CTDSP2: variants seen among roughly 807,000 people sequenced by gnomAD.
CTDSP2 encodes the protein CTD small phosphatase 2.
CTDSP2 carries 9 observed loss-of-function variants against 31.6 expected under a neutral mutation model. That is an observed-to-expected ratio of 0.28 (90% CI 0.17 to 0.50). The LOEUF (loss-of-function observed/expected upper bound fraction) is 0.50. Among genes scored for constraint, CTDSP2 ranks in the 20% least tolerant of loss-of-function variants. CTDSP2 has a pLI of 0.98. For synonymous variants in CTDSP2, 134 were observed against 134.5 expected (o/e 1.00, Z 0.03); for missense variants, 267 against 348.5 (o/e 0.77, Z 1.86).
chr12:57,846,080 CA>C (rs1956313862), intron 1 of CTDSP2, among the ~76,000 whole-genome samples: 1 of 152,188 alleles, frequency 6.6e-6, no homozygotes, highest in Non-Finnish European at 1.5e-5. Flanking sequence ...CGGAGTGGCC[CA>C]GTGCTTCGAG....
chr12:57,840,457 G>A (rs191726049), intron 1 of CTDSP2, among the ~76,000 whole-genome samples: 5 of 152,262 alleles, frequency 3.3e-5, no homozygotes, highest in East Asian at 1.9e-4. Flanking sequence ...TCTATGTGAC[G>A]TGAGTCAGAA....
In CTDSP2 at chr12:57,824,075, C is replaced by T. The variant is rs1956167163; in HGVS notation, c.519G>A (p.Val173=). The change falls in exon 7 of 8, where the codon GTG becomes GTA. Residue 173 remains valine (V), a synonymous_variant. Coordinates refer to ENST00000398073, the MANE Select transcript of CTDSP2 (RefSeq NM_005730.4). The stretch of plus-strand genomic sequence containing the variant: ...CCCCACACCGGTCCAGCAGGTCTGT[C>T]ACAGGGTCGGCATACTAGGAGGAGA... ...TASLAKYADP[V]TDLLDRCGVF... is the part of the protein sequence containing the mutation. 1 of 1,614,020 alleles carries T rather than the reference C, an allele frequency of 6.2e-7. No homozygotes were observed. The highest frequency in any genetic ancestry group is 8.5e-7 in the Non-Finnish European group (1 of 1,179,984).
chr12:57,838,013 G>A (rs971852348), intron 1 of CTDSP2, among the ~76,000 whole-genome samples: 4 of 152,150 alleles, frequency 2.6e-5, no homozygotes, highest in Admixed American at 2.0e-4. Flanking sequence ...TTGGGAGCAG[G>A]GGATTTCTGG....
At chr12:57,833,566 A>G (rs1316507629) in intron 1 of CTDSP2, among the ~76,000 whole-genome samples, 2 of 152,218 alleles carry the variant, frequency 1.3e-5, no homozygotes, top group African/African-American at 4.8e-5. Context: ...TCCCAGCATG[A>G]CTGCCTCCCT....
chr12:57,841,172 C>T (rs1013380365), intron 1 of CTDSP2, among the ~76,000 whole-genome samples: 9 of 152,322 alleles, frequency 5.9e-5, no homozygotes, highest in East Asian at 3.9e-4. Context: ...CCCAATCCCA[C>T]GTCCCAAAGA....
Position 57,833,060 on chromosome 12 carries a change from C to T in CTDSP2, c.65-3464G>A, listed in dbSNP as rs189300336. On this transcript the variant is annotated intron_variant, in intron 1 of 7. Coordinates refer to ENST00000398073, the MANE Select transcript of CTDSP2 (RefSeq NM_005730.4). ...CAGAACCACAATCAGAGGCTTAACCCGGGCACAGAGTCTTTTTTAAAAGGC... is the reference window on the plus strand; with the variant it reads ...CAGAACCACAATCAGAGGCTTAACCTGGGCACAGAGTCTTTTTTAAAAGGC... Among the ~76,000 whole-genome samples, 56 of 152,284 alleles carry T rather than the reference C, an allele frequency of 3.7e-4. No individual in the cohort carries two copies. The East Asian group carries it at 7.2e-3, about 19-fold the overall frequency.
intron 2 of CTDSP2, 125 bp downstream of exon 2, chr12:57,829,323 C>T: frequency 9.2e-7 from 1 of 1,083,172 alleles, no homozygotes; most frequent in Non-Finnish European, 1.4e-6. Flanking sequence ...GGAGGAAGGG[C>T]CCCCTCTCAG....
chr12:57,841,268 A>G (rs906755430), intron 1 of CTDSP2, among the ~76,000 whole-genome samples: 1 of 152,194 alleles, frequency 6.6e-6, no homozygotes, highest in East Asian at 1.9e-4. Context: ...TACTTTCTCA[A>G]TGTTGTACCC....
chr12:57,835,366 A>G (rs1595193583), intron 1 of CTDSP2, among the ~76,000 whole-genome samples: 1 of 150,320 alleles, frequency 6.7e-6, no homozygotes, highest in Middle Eastern at 3.5e-3. Flanking sequence ...TATGTTGCCC[A>G]GGCTGGCCTT....
At position 57,841,024 on chromosome 12, in the gene CTDSP2, A is replaced by C. The variant is rs150394334; in HGVS notation, c.64+5348T>G. Among the ~76,000 whole-genome samples the C allele has an allele frequency of 1.5e-3, 229 of 152,342 alleles. 1 individual carries two copies. Among genetic ancestry groups the C allele is most frequent in the African/African-American group, 5.2e-3 (216 of 41,564 alleles). ...TGGTCTCTGGTCCAGAGATGCTTCC[A>C]GTTTTAAGTCGTCAACTTATCCACT... On this transcript the variant is annotated intron_variant, in intron 1 of 7. Coordinates refer to ENST00000398073, the MANE Select transcript of CTDSP2 (RefSeq NM_005730.4).
intron 1 of CTDSP2, among the ~76,000 whole-genome samples, chr12:57,831,229 G>A (rs1270234778): frequency 2.0e-5 from 3 of 152,182 alleles, no homozygotes; most frequent in East Asian, 3.9e-4. Context: ...GCCGAGGCAG[G>A]TGGATCACTT....
chr12:57,824,305 C>CT lies in CTDSP2; in HGVS notation c.425dup (p.Arg143GlufsTer6), dbSNP rs1950077789. 2 of 1,613,858 alleles carry CT rather than the reference C, an allele frequency of 1.2e-6. No homozygotes were observed. The highest frequency in any genetic ancestry group is 1.7e-6 in the Non-Finnish European group (2 of 1,179,846). On this transcript the variant is annotated frameshift_variant, in exon 6 of 8. Transcript: ENST00000398073. LOFTEE classifies it high-confidence loss of function. ...TCAGGAACTCATCCACATAAGGCCTCTTGAGCACATACACCTGAGGAAGAG... is the reference window on the plus strand; with the variant it reads ...TCAGGAACTCATCCACATAAGGCCTCTTTGAGCACATACACCTGAGGAAGAG...
At chr12:57,832,426 T>TA (rs1956221351) in intron 1 of CTDSP2, among the ~76,000 whole-genome samples, 1 of 152,068 alleles carries the variant, frequency 6.6e-6, no homozygotes. Context: ...GTGGCTCATA[T>TA]AGGAGGACTG....
chr12:57,839,156 G>C (rs12305031), intron 1 of CTDSP2, among the ~76,000 whole-genome samples: 10,318 of 152,138 alleles, frequency 0.068, 1,040 homozygotes, highest in African/African-American at 0.22. Context: ...GGGACATTCT[G>C]CTGCTCCCCC....
At chr12:57,841,929 A>C (rs1956284930) in intron 1 of CTDSP2, among the ~76,000 whole-genome samples, 3 of 152,242 alleles carry the variant, frequency 2.0e-5, no homozygotes, top group Admixed American at 2.0e-4. Context: ...TGATTTATCA[A>C]GTCTCATTGC....
chr12:57,824,831 T>C (rs916423308), intron 5 of CTDSP2: 15 of 365,648 alleles, frequency 4.1e-5, no homozygotes, highest in African/African-American at 3.0e-4. Context: ...AGTCTTGCTC[T>C]GCACCCGATC....
chr12:57,828,498 T>C (rs1034124458), intron 2 of CTDSP2, among the ~76,000 whole-genome samples: 15 of 152,334 alleles, frequency 9.8e-5, no homozygotes, highest in East Asian at 3.9e-4. Flanking sequence ...TCCTAGCACT[T>C]AGATAAACAA....
chr12:57,846,355 G>T lies in CTDSP2; in HGVS notation c.64+17C>A. On this transcript the variant is annotated intron_variant, in intron 1 of 7. Transcript: ENST00000398073. Reference sequence around the variant, plus strand: ...GCCCGGGGGCGACGCAAAGTTTTGGGAAGTTGCTGCCCCTACCTTGCTTGG... The same window carrying T: ...GCCCGGGGGCGACGCAAAGTTTTGGTAAGTTGCTGCCCCTACCTTGCTTGG... 1 of 1,601,644 alleles carries T rather than the reference G, an allele frequency of 6.2e-7. No homozygotes were observed. The highest frequency in any genetic ancestry group is 1.3e-5 in the African/African-American group (1 of 74,564).
At position 57,828,051 on chromosome 12, in the gene CTDSP2, T is replaced by C. The variant is rs562484430; in HGVS notation, c.214-461A>G. On this transcript the variant is annotated intron_variant, in intron 2 of 7. Transcript: ENST00000398073. ...CCTATAAAACATCAAGTAAGCCACA[T>C]TGTAGGTACCCAAAATGTGAGGGGA... 3.0e-4 allele frequency among the ~76,000 whole-genome samples: 45 copies of C among 152,280 alleles called. No homozygotes were observed. The South Asian group carries it at 8.5e-3, about 29-fold the overall frequency.
Sources: gnomAD v4.1 joint callset for allele counts (sites outside exome capture counted in the v4.1 genomes callset) on GRCh38, gnomAD v4.1.1 for gene constraint, MANE v1.5 for transcripts, NCBI Gene and HGNC (gene_info 2026-07-23, HGNC 2026-07-21) for gene names.